Variants in TRIM44 observed in about 807,000 individuals in gnomAD.
TRIM44 encodes the protein tripartite motif-containing protein 44.
TRIM44 carries 13 observed loss-of-function variants against 37.4 expected under a neutral mutation model. The ratio of observed to expected loss-of-function variants is 0.35; its 90% CI spans 0.23 to 0.55. The LOEUF is 0.55. Among genes scored for constraint, TRIM44 ranks in the 20% least tolerant of loss-of-function variants. The pLI is 0.89. For synonymous variants in TRIM44, 175 were observed against 157.2 expected (o/e 1.11, Z -0.85); for missense variants, 426 against 437.2 (o/e 0.97, Z 0.23).
chr11:35,725,745 A>C (rs973815883), intron 2 of TRIM44, among the ~76,000 whole-genome samples, 179 bp from the exon 3 acceptor site: 4 of 152,220 alleles, frequency 2.6e-5, no homozygotes, highest in Non-Finnish European at 5.9e-5. Context: ...AAAGGCAAAA[A>C]GATTAGCAGG....
At chr11:35,755,704 G>A (rs1222558503) in intron 4 of TRIM44, among the ~76,000 whole-genome samples, 2 of 152,258 alleles carry the variant, frequency 1.3e-5, no homozygotes, top group East Asian at 1.9e-4. Context: ...AAGGGATCCA[G>A]TTTCAGCTTT....
intron 2 of TRIM44, among the ~76,000 whole-genome samples, chr11:35,696,855 AAAC>A (rs957749554): frequency 3.9e-5 from 6 of 151,960 alleles, no homozygotes; most frequent in Non-Finnish European, 5.9e-5. Context: ...CCAAAAAAAA[AAAC>A]AACAATTAAT....
chr11:35,725,950 T>C lies in TRIM44; in HGVS notation c.774T>C (p.Phe258=), dbSNP rs777618002. The change falls in exon 3 of 5, where the codon TTT becomes TTC. Residue 258 remains phenylalanine (F), a synonymous_variant. Coordinates refer to ENST00000299413, the MANE Select transcript of TRIM44 (RefSeq NM_017583.6). ...PKVTRDQMKM[F]IQQEFKKVQK... Reference sequence around the variant, plus strand: ...TAACTCGGGACCAAATGAAGATGTTTATACAGCAGGAATTTAAGAAAGTTC... The same window carrying C: ...TAACTCGGGACCAAATGAAGATGTTCATACAGCAGGAATTTAAGAAAGTTC... The C allele has an allele frequency of 6.2e-7, 1 of 1,614,142 alleles. No individual in the cohort carries two copies. Among genetic ancestry groups the C allele is most frequent in the Non-Finnish European group, 8.5e-7 (1 of 1,179,998 alleles).
chr11:35,718,484 A>G (rs922818841), intron 2 of TRIM44, among the ~76,000 whole-genome samples: 15 of 152,166 alleles, frequency 9.9e-5, no homozygotes, highest in African/African-American at 2.9e-4. Flanking sequence ...GAGTTTCCAT[A>G]TACTCCTTCC....
intron 3 of TRIM44, among the ~76,000 whole-genome samples, chr11:35,730,862 T>C (rs1852248575): frequency 6.6e-6 from 1 of 150,684 alleles, no homozygotes. Flanking sequence ...TTTTTTTTTT[T>C]TTTTTTTGAG....
chr11:35,803,237 A>T (rs1392650141), intron 4 of TRIM44, among the ~76,000 whole-genome samples: 2 of 151,770 alleles, frequency 1.3e-5, no homozygotes, highest in Non-Finnish European at 2.9e-5. Flanking sequence ...TACCTGCTAT[A>T]GAACGTGCTG....
chr11:35,717,504 A>G (rs1055604052), intron 2 of TRIM44, among the ~76,000 whole-genome samples: 2 of 152,126 alleles, frequency 1.3e-5, no homozygotes, highest in Admixed American at 6.6e-5. Flanking sequence ...AATTATCCTT[A>G]AAAAACCCCA....
In TRIM44 at chr11:35,773,331, A is replaced by G. The variant is rs943442461; in HGVS notation, c.1008-33027A>G. Among the ~76,000 whole-genome samples, 4 of 151,608 alleles carry G rather than the reference A, an allele frequency of 2.6e-5. No individual in the cohort carries two copies. In the East Asian group the frequency reaches 5.8e-4, roughly 22 times the overall value. ...CTTTGGCCCACTTTTTCATGGAGTT[A>G]CTTGTTCTTTGCTTGTTGAATTGTT... On this transcript the variant is annotated intron_variant, in intron 4 of 4. Transcript: ENST00000299413.
At chr11:35,673,884 T>G (rs914545383) in intron 1 of TRIM44, among the ~76,000 whole-genome samples, 6 of 152,070 alleles carry the variant, frequency 3.9e-5, no homozygotes, top group Non-Finnish European at 8.8e-5. Context: ...ATACCCACCT[T>G]TTCTCTCCGC....
intron 2 of TRIM44, among the ~76,000 whole-genome samples, chr11:35,722,805 GTCTTA>G (rs150508067): frequency 2.6e-5 from 4 of 152,270 alleles, no homozygotes; most frequent in Non-Finnish European, 5.9e-5. Context: ...GTAGGTCTCA[GTCTTA>G]TTTTACCCAG....
intron 1 of TRIM44, 67 bp downstream of exon 1, chr11:35,663,847 TG>T (rs1395453039): frequency 6.6e-7 from 1 of 1,519,000 alleles, no homozygotes; most frequent in Non-Finnish European, 8.8e-7. Flanking sequence ...TCAGGTGGCC[TG>T]GCTGTGACCA....
chr11:35,711,120 G>T (rs1851965578), intron 2 of TRIM44, among the ~76,000 whole-genome samples: 1 of 152,128 alleles, frequency 6.6e-6, no homozygotes, highest in Admixed American at 6.6e-5. Context: ...CAATGGTAAT[G>T]ATAGTTGCAC....
chr11:35,742,068 G>A (rs865811802), intron 4 of TRIM44, among the ~76,000 whole-genome samples: 17 of 151,872 alleles, frequency 1.1e-4, no homozygotes, highest in African/African-American at 3.6e-4. Flanking sequence ...CCCCATCAGC[G>A]AGTAGCTGGG....
chr11:35,669,908 G>A (rs1192565909), intron 1 of TRIM44, among the ~76,000 whole-genome samples: 2 of 152,062 alleles, frequency 1.3e-5, no homozygotes, highest in Admixed American at 6.6e-5. Flanking sequence ...TGCAACCTCC[G>A]CCTCCTGGGT....
intron 1 of TRIM44, among the ~76,000 whole-genome samples, chr11:35,683,281 A>C (rs1041705743): frequency 6.6e-6 from 1 of 152,204 alleles, no homozygotes; most frequent in African/African-American, 2.4e-5. Context: ...AATAGAACTT[A>C]TTAAAATTTA....
At chr11:35,715,722 T>G (rs1056125157) in intron 2 of TRIM44, among the ~76,000 whole-genome samples, 1 of 152,110 alleles carries the variant, frequency 6.6e-6, no homozygotes, top group Non-Finnish European at 1.5e-5. Context: ...GAAAAGAGGT[T>G]TAATTGGCTC....
intron 4 of TRIM44, among the ~76,000 whole-genome samples, chr11:35,742,524 G>A (rs1224260037): frequency 2.5e-5 from 3 of 122,174 alleles, no homozygotes; most frequent in African/African-American, 9.7e-5. Context: ...TATATTAATT[G>A]TATTATATAT....
intron 4 of TRIM44, among the ~76,000 whole-genome samples, chr11:35,800,756 T>C (rs757986359): frequency 1.4e-4 from 21 of 152,322 alleles, no homozygotes; most frequent in Middle Eastern, 3.4e-3. Context: ...GAGAGACAGC[T>C]GTATGAATGA....
intron 4 of TRIM44, among the ~76,000 whole-genome samples, chr11:35,805,792 G>A (rs1268184875): frequency 1.3e-5 from 2 of 150,882 alleles, no homozygotes; most frequent in Admixed American, 6.5e-5. Flanking sequence ...GCCTATGACA[G>A]ACATAAGATA....
Sources: gnomAD v4.1 joint callset for allele counts (sites outside exome capture counted in the v4.1 genomes callset) on GRCh38, gnomAD v4.1.1 for gene constraint, MANE v1.5 for transcripts, NCBI Gene and HGNC (gene_info 2026-07-23, HGNC 2026-07-21) for gene names.